PRKCA: variants seen among roughly 807,000 people sequenced by gnomAD.
The protein encoded by PRKCA is protein kinase C alpha.
In PRKCA, 27 loss-of-function variants were observed where a neutral mutation model predicts 87.0. That is an observed-to-expected ratio of 0.31 (90% CI 0.23 to 0.43). The LOEUF is 0.43. Ranked by LOEUF, PRKCA falls within the 20% of genes least tolerant of loss-of-function variation. The pLI, the probability that PRKCA is intolerant of heterozygous loss-of-function variation, is 1.00. For missense variants in PRKCA, 518 were observed against 852.3 expected, an observed-to-expected ratio of 0.61 and a Z score of 4.88; for synonymous variants, 329 against 311.1, an observed-to-expected ratio of 1.06 and a Z score of -0.61.
intron 2 of PRKCA, among the ~76,000 whole-genome samples, chr17:66,352,558 G>GTTTTTTTTTTTTTT (rs56317931): frequency 6.0e-5 from 5 of 83,758 alleles, no homozygotes; most frequent in Non-Finnish European, 8.4e-5. Flanking sequence ...GTTTTTTGAG[G>GTTTTTTTTTTTTTT]TTTTTTTTTT....
chr17:66,439,266 C>T (rs749663936), intron 2 of PRKCA, among the ~76,000 whole-genome samples: 10 of 152,038 alleles, frequency 6.6e-5, no homozygotes, highest in East Asian at 3.9e-4. Flanking sequence ...CTGCAACCTC[C>T]GCCTCCCAGG....
chr17:66,379,674 T>G (rs182350066), intron 2 of PRKCA, among the ~76,000 whole-genome samples: 4 of 152,248 alleles, frequency 2.6e-5, no homozygotes, highest in Non-Finnish European at 5.9e-5. Flanking sequence ...GTATCATTCA[T>G]GAAAGACTTA....
rs1442859207 is a variant in PRKCA at position 66,804,790 on chromosome 17, A to G, written c.*753A>G. The G allele has an allele frequency of 6.2e-6, 1 of 160,998 alleles. No homozygotes were observed. The highest frequency in any genetic ancestry group is 1.3e-5 in the Non-Finnish European group (1 of 76,078). The allele number at this position is 160,998 out of a possible 1,614,324, so 10.0% of individuals were successfully genotyped here. ...CGTTGCTGAACAAGCGTGTGAAATCATTTCAGATCAAGGATAAGCCAGTGT... is the reference window on the plus strand; with the variant it reads ...CGTTGCTGAACAAGCGTGTGAAATCGTTTCAGATCAAGGATAAGCCAGTGT... On this transcript the variant is annotated 3_prime_UTR_variant, in exon 17 of 17. Coordinates refer to ENST00000413366, the MANE Select transcript of PRKCA (RefSeq NM_002737.3).
intron 8 of PRKCA, among the ~76,000 whole-genome samples, chr17:66,697,001 A>G (rs372959932): frequency 1.3e-5 from 2 of 152,140 alleles, no homozygotes; most frequent in African/African-American, 2.4e-5. Context: ...TAGAACCTCA[A>G]GTCAACCCCC....
chr17:66,423,677 G>A (rs1409390845), intron 2 of PRKCA, among the ~76,000 whole-genome samples: 2 of 152,090 alleles, frequency 1.3e-5, no homozygotes, highest in Non-Finnish European at 2.9e-5. Context: ...TAGTAATTAT[G>A]GTTTAGTTGA....
chr17:66,309,410 T>C (rs920451966), intron 2 of PRKCA, among the ~76,000 whole-genome samples: 1 of 152,220 alleles, frequency 6.6e-6, no homozygotes, highest in Non-Finnish European at 1.5e-5. Context: ...GAGAGACTTA[T>C]TGGCTTATTC....
At chr17:66,531,884 G>T (rs1967554595) in intron 3 of PRKCA, among the ~76,000 whole-genome samples, 1 of 152,174 alleles carries the variant, frequency 6.6e-6, no homozygotes, top group African/African-American at 2.4e-5. Flanking sequence ...TCCTTCCCCA[G>T]ACCTCATAGT....
At chr17:66,515,168 A>C (rs1389124576) in intron 3 of PRKCA, among the ~76,000 whole-genome samples, 1 of 151,396 alleles carries the variant, frequency 6.6e-6, no homozygotes, top group Non-Finnish European at 1.5e-5. Flanking sequence ...AAGCAGGAGA[A>C]TCACTTGAAC....
intron 2 of PRKCA, among the ~76,000 whole-genome samples, chr17:66,403,358 T>C (rs1911151493): frequency 6.6e-6 from 1 of 152,210 alleles, no homozygotes; most frequent in Non-Finnish European, 1.5e-5. Flanking sequence ...TATTGGATGA[T>C]GTATTATTCC....
intron 3 of PRKCA, among the ~76,000 whole-genome samples, chr17:66,580,761 C>A (rs116034292): frequency 6.6e-6 from 1 of 152,142 alleles, no homozygotes; most frequent in Non-Finnish European, 1.5e-5. Flanking sequence ...CAGAACATGA[C>A]GCCACCCTGC....
In PRKCA at chr17:66,782,494, T is replaced by A. The variant is rs76176373; in HGVS notation, c.1606-4373T>A. 7.6e-3 allele frequency among the ~76,000 whole-genome samples: 1,163 copies of A among 152,212 alleles called. 15 individuals are homozygous for A. The highest frequency in any genetic ancestry group is 0.025 in the East Asian group (127 of 5,166). ...TTGGGGAAGCAACACAGAAGCTGCATCGGCCAGCAGCTGGGAAGGAGGGAG... is the reference window on the plus strand; with the variant it reads ...TTGGGGAAGCAACACAGAAGCTGCAACGGCCAGCAGCTGGGAAGGAGGGAG... On this transcript the variant is annotated intron_variant, in intron 14 of 16. Coordinates refer to ENST00000413366, the MANE Select transcript of PRKCA (RefSeq NM_002737.3).
intron 5 of PRKCA, among the ~76,000 whole-genome samples, chr17:66,648,275 G>A (rs1355531136): frequency 6.6e-6 from 1 of 152,162 alleles, no homozygotes; most frequent in Non-Finnish European, 1.5e-5. Flanking sequence ...ATCACACCGG[G>A]AATCCAATCT....
chr17:66,660,915 A>AATT (rs1555632593), intron 5 of PRKCA, among the ~76,000 whole-genome samples: 1 of 151,726 alleles, frequency 6.6e-6, no homozygotes, highest in Non-Finnish European at 1.5e-5. Flanking sequence ...TCTTAAAAAT[A>AATT]AATTAATTAA....
intron 3 of PRKCA, among the ~76,000 whole-genome samples, chr17:66,565,683 T>A (rs1240049529): frequency 6.6e-6 from 1 of 152,086 alleles, no homozygotes; most frequent in Non-Finnish European, 1.5e-5. Flanking sequence ...AGAAGGCTGA[T>A]GCTGAGAGAT....
At chr17:66,352,649 C>T (rs575415968) in intron 2 of PRKCA, among the ~76,000 whole-genome samples, 17 of 142,736 alleles carry the variant, frequency 1.2e-4, no homozygotes, top group African/African-American at 4.0e-4. Context: ...CTGCAACCTC[C>T]GTCTCCTGGG....
chr17:66,668,530 C>T (rs1287344667), intron 5 of PRKCA, among the ~76,000 whole-genome samples: 3 of 152,228 alleles, frequency 2.0e-5, no homozygotes, highest in African/African-American at 7.2e-5. Flanking sequence ...TGAACATCAA[C>T]TTGAGTGCCC....
rs902381117 is a variant in PRKCA at position 66,440,370 on chromosome 17, A to G, written c.206-55831A>G. ...ATGTTCATTTGTTTCTTCTCTCTGT[A>G]TTTTATAAACATAATTACTTTGAAT... On this transcript the variant is annotated intron_variant, in intron 2 of 16. Transcript: ENST00000413366. Among the ~76,000 whole-genome samples, 3 of 152,136 alleles carry G rather than the reference A, an allele frequency of 2.0e-5. No individual in the cohort carries two copies. In the South Asian group the frequency reaches 6.2e-4, roughly 31 times the overall value.
rs371757395 is a variant in PRKCA, at chr17:66,627,203, C to T, written c.289-14152C>T. 2.6e-5 allele frequency among the ~76,000 whole-genome samples: 4 copies of T among 152,266 alleles called. No homozygotes were observed. In the South Asian group the frequency reaches 8.3e-4, roughly 32 times the overall value. On this transcript the variant is annotated intron_variant, in intron 3 of 16. Transcript: ENST00000413366. ...TTCAAATGTGCACAGTAGGTTTCTG[C>T]CATCCTAAAGGCAAACTTCAAAATT...
chr17:66,439,183 C>CT (rs563880346), intron 2 of PRKCA, among the ~76,000 whole-genome samples: 6 of 146,122 alleles, frequency 4.1e-5, no homozygotes, highest in Non-Finnish European at 7.5e-5. Flanking sequence ...CTTTTCTTTT[C>CT]TTTCTTTTTT....
Sources: gnomAD v4.1 joint callset for allele counts (sites outside exome capture counted in the v4.1 genomes callset) on GRCh38, gnomAD v4.1.1 for gene constraint, MANE v1.5 for transcripts, NCBI Gene and HGNC (gene_info 2026-07-23, HGNC 2026-07-21) for gene names.